The following BMERB1 variants were observed in gnomAD, a reference collection of about 807,000 sequenced individuals.
The protein encoded by BMERB1 is bMERB domain containing 1, also known as bMERB domain-containing protein 1.
In BMERB1, 12 loss-of-function variants were observed where a neutral mutation model predicts 23.6. That is an observed-to-expected ratio of 0.51 (90% confidence interval 0.33 to 0.82). BMERB1 has a LOEUF of 0.82. Among genes scored for constraint, BMERB1 ranks in the 40% least tolerant of loss-of-function variants. BMERB1 has a pLI of 0.03. For missense variants in BMERB1, 247 were observed against 255.4 expected (o/e 0.97, Z 0.22); for synonymous variants, 122 against 96.6 (o/e 1.26, Z -1.54).
chr16:15,521,703 C>A (rs961971527), intron 2 of BMERB1, among the ~76,000 whole-genome samples: 16 of 152,272 alleles, frequency 1.1e-4, no homozygotes, highest in African/African-American at 3.6e-4. Flanking sequence ...ATTTAGAGAT[C>A]TCTTTCTTGA....
At chr16:15,573,186 G>A (rs868820616) in intron 3 of BMERB1, among the ~76,000 whole-genome samples, 3 of 152,182 alleles carry the variant, frequency 2.0e-5, no homozygotes, top group African/African-American at 7.2e-5. Flanking sequence ...AAGGCTCCAA[G>A]CCAGGAGGAC....
At chr16:15,478,688 G>T (rs1158742383) in intron 1 of BMERB1, among the ~76,000 whole-genome samples, 1 of 152,146 alleles carries the variant, frequency 6.6e-6, no homozygotes, top group African/African-American at 2.4e-5. Context: ...AAGCATTGGT[G>T]GGTAACACTT....
intron 1 of BMERB1, among the ~76,000 whole-genome samples, chr16:15,490,665 A>G (rs2051412157): frequency 6.6e-6 from 1 of 152,104 alleles, no homozygotes; most frequent in Non-Finnish European, 1.5e-5. Context: ...GCTACCTGGG[A>G]TTCATCCATC....
chr16:15,534,595 C>T (rs1223923757), intron 2 of BMERB1, among the ~76,000 whole-genome samples: 1 of 152,078 alleles, frequency 6.6e-6, no homozygotes, highest in Non-Finnish European at 1.5e-5. Context: ...TCGTGGTATC[C>T]ATATGGCCAT....
intron 2 of BMERB1, among the ~76,000 whole-genome samples, chr16:15,546,586 CAA>C (rs1352928314): frequency 3.9e-5 from 6 of 152,156 alleles, no homozygotes; most frequent in African/African-American, 7.2e-5. Flanking sequence ...CTCAAAATTA[CAA>C]AGTTTCCCAG....
chr16:15,583,968 G>T, intron 5 of BMERB1: 1 of 699,306 alleles, frequency 1.4e-6, no homozygotes, highest in Non-Finnish European at 2.6e-6. Context: ...GAAAGAATTG[G>T]GTAGCTACTG....
chr16:15,516,194 C>T (rs1158389624), intron 2 of BMERB1, among the ~76,000 whole-genome samples: 2 of 152,116 alleles, frequency 1.3e-5, no homozygotes, highest in African/African-American at 2.4e-5. Flanking sequence ...GAGGCTGAGG[C>T]GGGATGATCG....
At chr16:15,517,786 G>C (rs901464251) in intron 2 of BMERB1, among the ~76,000 whole-genome samples, 2 of 151,476 alleles carry the variant, frequency 1.3e-5, no homozygotes, top group African/African-American at 4.8e-5. Flanking sequence ...GGATGTGGAT[G>C]TGTGGATGTG....
chr16:15,490,842 T>C (rs1406860997), intron 1 of BMERB1, among the ~76,000 whole-genome samples: 3 of 152,306 alleles, frequency 2.0e-5, no homozygotes, highest in Non-Finnish European at 2.9e-5. Context: ...TCTTATTTTT[T>C]ATTTTTATTT....
intron 1 of BMERB1, among the ~76,000 whole-genome samples, chr16:15,453,766 C>T (rs909892246): frequency 2.6e-5 from 4 of 151,780 alleles, no homozygotes; most frequent in African/African-American, 9.7e-5. Flanking sequence ...CCCAGCTACA[C>T]GAGAGGCTGA....
At chr16:15,439,513 C>T (rs1386273256) in intron 1 of BMERB1, among the ~76,000 whole-genome samples, 1 of 152,186 alleles carries the variant, frequency 6.6e-6, no homozygotes, top group Admixed American at 6.6e-5. Flanking sequence ...TCATTGCTTC[C>T]ATTTCTTAGT....
intron 1 of BMERB1, among the ~76,000 whole-genome samples, chr16:15,436,497 GAT>G (rs2050889379): frequency 3.3e-5 from 5 of 152,106 alleles, no homozygotes; most frequent in African/African-American, 1.2e-4. Context: ...GACCTCAGGT[GAT>G]CGGCCTGCCC....
At chr16:15,526,981 A>G (rs889461817) in intron 2 of BMERB1, among the ~76,000 whole-genome samples, 1 of 148,020 alleles carries the variant, frequency 6.8e-6, no homozygotes, top group African/African-American at 2.5e-5. Flanking sequence ...TATTATTATT[A>G]TAGTATATTT....
chr16:15,475,693 C>T (rs1214218505), intron 1 of BMERB1, among the ~76,000 whole-genome samples: 2 of 152,148 alleles, frequency 1.3e-5, no homozygotes, highest in African/African-American at 4.8e-5. Context: ...AGTGCCACCT[C>T]CTTCCACTGG....
At chr16:15,580,997 A>G (rs1323273834) in intron 3 of BMERB1, among the ~76,000 whole-genome samples, 1 of 151,450 alleles carries the variant, frequency 6.6e-6, no homozygotes, top group Non-Finnish European at 1.5e-5. Flanking sequence ...CCCAGGTTCA[A>G]GCAATTCTCC....
chr16:15,480,023 A>ATATATATAATATATATATATAT (rs567929504), intron 1 of BMERB1, among the ~76,000 whole-genome samples: 1 of 147,864 alleles, frequency 6.8e-6, no homozygotes, highest in African/African-American at 2.5e-5. Context: ...ATATATATAT[A>ATATATATAATATATATATATAT]ATATATATTT....
At chr16:15,516,833 T>C (rs2051766097) in intron 2 of BMERB1, among the ~76,000 whole-genome samples, 1 of 151,922 alleles carries the variant, frequency 6.6e-6, no homozygotes, top group Non-Finnish European at 1.5e-5. Flanking sequence ...TTAAAACACC[T>C]CTTCTTTATA....
rs141516371 is a variant in BMERB1, at chr16:15,501,427, C to T, written c.107-13878C>T. ...CCTGCCTCAACCTTCTGAGTAGCTACGATTATAGTCACCTGCCACCATGCC... is the reference window on the plus strand; with the variant it reads ...CCTGCCTCAACCTTCTGAGTAGCTATGATTATAGTCACCTGCCACCATGCC... On this transcript the variant is annotated intron_variant, in intron 1 of 5. Coordinates refer to ENST00000300006, the MANE Select transcript of BMERB1 (RefSeq NM_033201.3). Among the ~76,000 whole-genome samples the T allele has an allele frequency of 3.8e-3, 574 of 150,008 alleles. 4 individuals are homozygous for T. Among genetic ancestry groups the T allele is most frequent in the African/African-American group, 0.013 (526 of 40,696 alleles).
At chr16:15,553,426 A>T (rs979792569) in intron 2 of BMERB1, among the ~76,000 whole-genome samples, 5 of 152,210 alleles carry the variant, frequency 3.3e-5, no homozygotes, top group Non-Finnish European at 5.9e-5. Flanking sequence ...GTGAGCTATG[A>T]TTACACTCCT....
Sources: gnomAD v4.1 joint callset for allele counts (sites outside exome capture counted in the v4.1 genomes callset) on GRCh38, gnomAD v4.1.1 for gene constraint, MANE v1.5 for transcripts, NCBI Gene and HGNC (gene_info 2026-07-23, HGNC 2026-07-21) for gene names.